DPP4: variants seen among roughly 807,000 people sequenced by gnomAD.
DPP4 encodes the protein ADCP-2.
A neutral mutation model predicts 122.4 loss-of-function variants in DPP4; 93 were observed. The observed-to-expected ratio is 0.76, with a 90% confidence interval of 0.64 to 0.90. DPP4 has a LOEUF of 0.90. DPP4 is among the 40% of genes least tolerant of loss of function. DPP4 has a pLI of 0.00. For missense variants in DPP4, 914 were observed against 907.3 expected (o/e 1.01, Z -0.09); for synonymous variants, 321 against 302.9 (o/e 1.06, Z -0.62).
At chr2:162,010,315 A>G (rs1428998693) in intron 20 of DPP4, among the ~76,000 whole-genome samples, 1 of 152,188 alleles carries the variant, frequency 6.6e-6, no homozygotes, top group Non-Finnish European at 1.5e-5. Context: ...CCTCTTTGCA[A>G]AGGGACAAAA....
intron 10 of DPP4, among the ~76,000 whole-genome samples, chr2:162,031,604 G>A (rs1275034614): frequency 1.3e-5 from 2 of 152,192 alleles, no homozygotes; most frequent in Admixed American, 6.5e-5. Context: ...CCGCCTCAGT[G>A]TCCTTCCTCC....
At chr2:162,014,151 G>T (rs1218055067) in intron 19 of DPP4, among the ~76,000 whole-genome samples, 1 of 152,136 alleles carries the variant, frequency 6.6e-6, no homozygotes, top group African/African-American at 2.4e-5. Context: ...TTGGAGTTCA[G>T]AGAAGCAAAA....
chr2:162,002,458 A>G (rs1313802738), intron 23 of DPP4, among the ~76,000 whole-genome samples: 2 of 152,206 alleles, frequency 1.3e-5, no homozygotes, highest in Non-Finnish European at 2.9e-5. Context: ...AACATGGACT[A>G]AGATCAAGGC....
intron 11 of DPP4, among the ~76,000 whole-genome samples, chr2:162,023,409 G>A (rs1392216417): frequency 6.6e-6 from 1 of 152,082 alleles, no homozygotes; most frequent in African/African-American, 2.4e-5. Flanking sequence ...TACGAGATAA[G>A]TCCAAACTCC....
chr2:162,065,951 A>G (rs1684933325), intron 2 of DPP4, among the ~76,000 whole-genome samples: 1 of 152,218 alleles, frequency 6.6e-6, no homozygotes, highest in African/African-American at 2.4e-5. Context: ...TCCTCAATAA[A>G]TATTTGCCAA....
chr2:161,998,051 C>T (rs183457402), intron 23 of DPP4, among the ~76,000 whole-genome samples: 2 of 152,308 alleles, frequency 1.3e-5, no homozygotes, highest in East Asian at 3.9e-4. Flanking sequence ...CCTCCTAAGA[C>T]CCATGCCGTC....
intron 2 of DPP4, among the ~76,000 whole-genome samples, chr2:162,068,731 T>C (rs1459987184): frequency 6.6e-6 from 1 of 152,168 alleles, no homozygotes; most frequent in East Asian, 1.9e-4. Context: ...TTATTACTAC[T>C]AATACTACTA....
At position 162,039,329 on chromosome 2, in the gene DPP4, T is replaced by C. The variant is rs1268524752; in HGVS notation, c.367-145A>G. The C allele has an allele frequency of 1.0e-5, 8 of 766,870 alleles. No homozygotes were observed. The South Asian group carries it at 1.3e-4, about 12-fold the overall frequency. 47.5% of individuals were successfully genotyped at this position (766,870 alleles called of 1,614,324 possible). On this transcript the variant is annotated intron_variant, in intron 5 of 25. Transcript: ENST00000360534. ...TATCTTATAATTTCCTCCGAGAATT[T>C]TGGGATTCAGAAGTATCCTAGAGAT...
intron 2 of DPP4, among the ~76,000 whole-genome samples, chr2:162,048,470 C>A (rs969593903): frequency 6.6e-6 from 1 of 152,136 alleles, no homozygotes; most frequent in African/African-American, 2.4e-5. Flanking sequence ...CCTACAGGAA[C>A]AAGATTAACA....
intron 12 of DPP4, among the ~76,000 whole-genome samples, chr2:162,022,175 T>C (rs1683156416): frequency 6.6e-6 from 1 of 152,136 alleles, no homozygotes; most frequent in African/African-American, 2.4e-5. Flanking sequence ...TTCTGTGCAA[T>C]GTGTATATAA....
At chr2:162,020,184 T>G in intron 14 of DPP4, 45 bp downstream of exon 14, 1 of 1,532,176 alleles carries the variant, frequency 6.5e-7, no homozygotes, top group East Asian at 2.3e-5. Flanking sequence ...GAGGGCATGA[T>G]TATGACAAGT....
chr2:162,016,675 T>C, intron 18 of DPP4, 93 bp downstream of exon 18: 1 of 748,676 alleles, frequency 1.3e-6, no homozygotes. Flanking sequence ...GATTTATATA[T>C]AATATGAAAT....
At chr2:162,005,723 G>C (rs1441392271) in intron 23 of DPP4, 22 bp downstream of exon 23, 1 of 1,597,454 alleles carries the variant, frequency 6.3e-7, no homozygotes. Context: ...TTATAAAATA[G>C]GTATAGGTCC....
chr2:162,007,535 C>T (rs1192233293), intron 22 of DPP4, among the ~76,000 whole-genome samples: 1 of 152,020 alleles, frequency 6.6e-6, no homozygotes, highest in Admixed American at 6.6e-5. Context: ...TATATAAGAA[C>T]TCTAGACAAC....
At chr2:162,011,328 C>T (rs895723635) in intron 20 of DPP4, among the ~76,000 whole-genome samples, 1 of 152,160 alleles carries the variant, frequency 6.6e-6, no homozygotes, top group Non-Finnish European at 1.5e-5. Context: ...GAGTCACCCT[C>T]ATCCAGACTG....
At chr2:162,034,184 G>C (rs1363503165) in intron 9 of DPP4, among the ~76,000 whole-genome samples, 1 of 151,872 alleles carries the variant, frequency 6.6e-6, no homozygotes. Flanking sequence ...CACTATGTTG[G>C]AGCTTTACAA....
At chr2:162,026,736 C>CA (rs1372791085) in intron 10 of DPP4, among the ~76,000 whole-genome samples, 1 of 152,196 alleles carries the variant, frequency 6.6e-6, no homozygotes, top group Non-Finnish European at 1.5e-5. Context: ...TGCATCTGCC[C>CA]AATGCAGGGG....
At chr2:162,068,787 C>T (rs1311667094) in intron 2 of DPP4, among the ~76,000 whole-genome samples, 1 of 152,118 alleles carries the variant, frequency 6.6e-6, no homozygotes, top group African/African-American at 2.4e-5. Flanking sequence ...TGCCTGTATA[C>T]AGCTTTATAT....
intron 23 of DPP4, among the ~76,000 whole-genome samples, chr2:161,995,920 A>G (rs991887285): frequency 6.6e-6 from 1 of 152,226 alleles, no homozygotes; most frequent in Non-Finnish European, 1.5e-5. Context: ...AACAGATGTT[A>G]AAAACCTAGG....
Sources: gnomAD v4.1 joint callset for allele counts (sites outside exome capture counted in the v4.1 genomes callset) on GRCh38, gnomAD v4.1.1 for gene constraint, MANE v1.5 for transcripts, NCBI Gene and HGNC (gene_info 2026-07-23, HGNC 2026-07-21) for gene names.